Variants in ASXL3 observed in about 807,000 individuals in gnomAD.
ASXL3 encodes ASXL transcriptional regulator 3, also known as putative Polycomb group protein ASXL3.
A neutral mutation model predicts 170.6 loss-of-function variants in ASXL3; 34 were observed. That is an observed-to-expected ratio of 0.20 (90% CI 0.15 to 0.27). ASXL3 has a LOEUF of 0.27. Ranked by LOEUF, ASXL3 falls within the 10% of genes least tolerant of loss-of-function variation. The probability of loss-of-function intolerance (pLI) is 1.00; values close to 1 mark genes in which losing one functional copy is unlikely to be tolerated. For missense variants in ASXL3, 2,592 were observed against 2,695.3 expected (o/e 0.96, Z 0.85); for synonymous variants, 1,002 against 989.1 (o/e 1.01, Z -0.24).
At chr18:33,705,422 T>C (rs2066940781) in intron 8 of ASXL3, among the ~76,000 whole-genome samples, 2 of 151,726 alleles carry the variant, frequency 1.3e-5, no homozygotes, top group South Asian at 4.1e-4. Flanking sequence ...TGTGACAATT[T>C]ACTAAATTTT....
chr18:33,587,161 C>T (rs923813885), intron 1 of ASXL3, among the ~76,000 whole-genome samples: 9 of 152,112 alleles, frequency 5.9e-5, no homozygotes, highest in South Asian at 2.1e-4. Flanking sequence ...TACCCCAGGC[C>T]GTAAGAAGCC....
intron 8 of ASXL3, among the ~76,000 whole-genome samples, chr18:33,718,121 A>G (rs1307417759): frequency 6.6e-6 from 1 of 152,116 alleles, no homozygotes; most frequent in Non-Finnish European, 1.5e-5. Context: ...CAACTAAATC[A>G]TGGCAAAACG....
At chr18:33,730,331 C>T (rs2067422367) in intron 8 of ASXL3, among the ~76,000 whole-genome samples, 1 of 152,134 alleles carries the variant, frequency 6.6e-6, no homozygotes, top group Non-Finnish European at 1.5e-5. Flanking sequence ...GGAACCTGGA[C>T]TTCTAATCCC....
intron 8 of ASXL3, among the ~76,000 whole-genome samples, chr18:33,693,908 A>G (rs1207247894): frequency 6.6e-6 from 1 of 152,106 alleles, no homozygotes; most frequent in African/African-American, 2.4e-5. Context: ...AAGGAAAGTA[A>G]GGTTGGAGGA....
intron 8 of ASXL3, among the ~76,000 whole-genome samples, chr18:33,724,698 C>T (rs1355680693): frequency 6.6e-6 from 1 of 152,036 alleles, no homozygotes; most frequent in East Asian, 1.9e-4. Context: ...AATGAAACTA[C>T]TTAACCATAT....
chr18:33,646,439 C>A (rs571575365), intron 4 of ASXL3, 86 bp downstream of exon 4: 1 of 954,166 alleles, frequency 1.0e-6, no homozygotes, highest in Non-Finnish European at 1.6e-6. Context: ...GAATTTCCCA[C>A]CATTATCAAT....
rs1361011275 is a variant in ASXL3, at chr18:33,731,826, T to C, written c.880-142T>C. 9.9e-6 allele frequency: 6 copies of C among 603,730 alleles called. No individual in the cohort carries two copies. In the South Asian group the frequency reaches 1.3e-4, roughly 13 times the overall value. 37.4% of individuals were successfully genotyped at this position (603,730 alleles called of 1,614,324 possible). A position where few individuals can be genotyped will look rare whatever the true frequency, so the allele number is the denominator to read the frequency against. On this transcript the variant is annotated intron_variant, in intron 8 of 11. Transcript: ENST00000269197. ...CTGGAGCTCCTGCTCTCTCTCTCCC[T>C]TCTCCTTTCTCTGTCTCCTTCCCCC...
At chr18:33,685,462 C>G (rs756228770) in intron 8 of ASXL3, among the ~76,000 whole-genome samples, 1 of 152,168 alleles carries the variant, frequency 6.6e-6, no homozygotes, top group East Asian at 1.9e-4. Flanking sequence ...GGGGAAAGAT[C>G]TGATTTATTA....
chr18:33,718,294 C>T (rs1245273585), intron 8 of ASXL3, among the ~76,000 whole-genome samples: 1 of 152,110 alleles, frequency 6.6e-6, no homozygotes, highest in Non-Finnish European at 1.5e-5. Context: ...TACACTCAAA[C>T]ATACCCAGCT....
chr18:33,695,919 T>C (rs2066767850), intron 8 of ASXL3, among the ~76,000 whole-genome samples: 2 of 152,158 alleles, frequency 1.3e-5, no homozygotes, highest in African/African-American at 2.4e-5. Flanking sequence ...TAATAATATA[T>C]GTATGTGTAA....
At chr18:33,663,021 G>A (rs573514991) in intron 5 of ASXL3, among the ~76,000 whole-genome samples, 1 of 152,240 alleles carries the variant, frequency 6.6e-6, no homozygotes, top group South Asian at 2.1e-4. Flanking sequence ...ATTGAAGGTA[G>A]TAACAGTATT....
intron 1 of ASXL3, among the ~76,000 whole-genome samples, chr18:33,600,538 ACATAT>A (rs2065173999): frequency 1.3e-5 from 2 of 152,138 alleles, no homozygotes; most frequent in African/African-American, 4.8e-5. Flanking sequence ...AACAAGTTTT[ACATAT>A]CATTATTTAA....
At chr18:33,601,004 C>T (rs1461240392) in intron 1 of ASXL3, among the ~76,000 whole-genome samples, 1 of 152,072 alleles carries the variant, frequency 6.6e-6, no homozygotes, top group Non-Finnish European at 1.5e-5. Flanking sequence ...TGCTCTTCTT[C>T]CTAGTCATCT....
At chr18:33,618,534 G>A (rs963374482) in intron 2 of ASXL3, among the ~76,000 whole-genome samples, 2 of 152,176 alleles carry the variant, frequency 1.3e-5, no homozygotes, top group Non-Finnish European at 2.9e-5. Context: ...CCTACTAAGC[G>A]CCTACTCAGT....
rs113946126 is a variant in ASXL3 at position 33,584,497 on chromosome 18, G to C, written c.54+5812G>C. ...TACGATATGTATTTGTACAGTGATG[G>C]GGGGTGCACCAGTGAGTGGTCTGAA... On this transcript the variant is annotated intron_variant, in intron 1 of 11. Coordinates refer to ENST00000269197, the MANE Select transcript of ASXL3 (RefSeq NM_030632.3). Among the ~76,000 whole-genome samples, 580 of 152,040 alleles carry C rather than the reference G, an allele frequency of 3.8e-3. 5 individuals carry two copies. The highest frequency in any genetic ancestry group is 5.3e-3 in the Non-Finnish European group (360 of 67,974).
chr18:33,684,488 A>G (rs1255977846), intron 8 of ASXL3, among the ~76,000 whole-genome samples: 2 of 152,170 alleles, frequency 1.3e-5, no homozygotes, highest in Admixed American at 1.3e-4. Context: ...ATATTTAAAT[A>G]TGATAAGCAA....
chr18:33,602,057 C>A (rs1265941056), intron 1 of ASXL3, among the ~76,000 whole-genome samples: 1 of 151,826 alleles, frequency 6.6e-6, no homozygotes, highest in African/African-American at 2.4e-5. Context: ...ATACCTGAGC[C>A]TTCCAAATTG....
chr18:33,657,874 C>A (rs566482720), intron 4 of ASXL3, among the ~76,000 whole-genome samples: 2 of 152,024 alleles, frequency 1.3e-5, no homozygotes, highest in African/African-American at 4.8e-5. Context: ...TATTTTTATA[C>A]CTTTTAAAAA....
Position 33,744,948 on chromosome 18 carries a change from T to C in ASXL3, c.5100T>C (p.Ser1700=). ...CTCCTCCGGCTGCAGAGGGAGCCTC[T>C]AGTGTACAACAAACACAGAACATGA... ...ELPPPAAEGA[S]SVQQTQNMKA... is the part of the protein sequence containing the mutation. The change falls in exon 12 of 12, where the codon TCT becomes TCC. Residue 1700 remains serine, a synonymous_variant. Transcript: ENST00000269197. The C allele has an allele frequency of 1.2e-6, 2 of 1,613,972 alleles. No individual in the cohort carries two copies. Among genetic ancestry groups the C allele is most frequent in the Non-Finnish European group, 1.7e-6 (2 of 1,179,888 alleles).
Sources: gnomAD v4.1 joint callset for allele counts (sites outside exome capture counted in the v4.1 genomes callset) on GRCh38, gnomAD v4.1.1 for gene constraint, MANE v1.5 for transcripts, NCBI Gene and HGNC (gene_info 2026-07-23, HGNC 2026-07-21) for gene names.